DOK6: variants seen among roughly 807,000 people sequenced by gnomAD.
DOK6 encodes docking protein 6, also known as downstream of tyrosine kinase 6.
A neutral mutation model predicts 44.0 loss-of-function variants in DOK6; 22 were observed. That is an observed-to-expected ratio of 0.50 (90% confidence interval 0.36 to 0.71). The LOEUF (loss-of-function observed/expected upper bound fraction) is 0.71, where lower values mean the gene tolerates loss of function less well. Among genes scored for constraint, DOK6 ranks in the 30% least tolerant of loss-of-function variants. The pLI is 0.00. For missense variants in DOK6, 340 were observed against 416.4 expected, an observed-to-expected ratio of 0.82 and a Z score of 1.60; for synonymous variants, 166 against 145.5, an observed-to-expected ratio of 1.14 and a Z score of -1.01.
chr18:69,524,955 A>T (rs1981788845), intron 1 of DOK6, among the ~76,000 whole-genome samples: 1 of 150,296 alleles, frequency 6.7e-6, no homozygotes, highest in Non-Finnish European at 1.5e-5. Context: ...TCTTTTAATA[A>T]ATGGATATTA....
chr18:69,737,779 C>A (rs1380468595), intron 5 of DOK6, among the ~76,000 whole-genome samples: 1 of 152,172 alleles, frequency 6.6e-6, no homozygotes, highest in Non-Finnish European at 1.5e-5. Context: ...AGGAAGTGGA[C>A]AAGCACTCGA....
chr18:69,746,277 T>TATTC (rs1453386927), intron 6 of DOK6, among the ~76,000 whole-genome samples: 6 of 152,228 alleles, frequency 3.9e-5, no homozygotes, highest in African/African-American at 1.4e-4. Context: ...TTTATTTATT[T>TATTC]ATTCATTTAG....
intron 5 of DOK6, among the ~76,000 whole-genome samples, chr18:69,715,416 A>C (rs199899810): frequency 6.6e-6 from 1 of 152,214 alleles, no homozygotes; most frequent in East Asian, 1.9e-4. Context: ...TTAAAGATAA[A>C]GTAGAAATCA....
intron 3 of DOK6, among the ~76,000 whole-genome samples, chr18:69,669,507 A>G (rs186674477): frequency 1.2e-3 from 187 of 152,274 alleles, no homozygotes; most frequent in African/African-American, 4.2e-3. Flanking sequence ...TCTAAACCCA[A>G]TGTGTTTTTT....
chr18:69,450,560 C>T (rs1005965974), intron 1 of DOK6, among the ~76,000 whole-genome samples: 4 of 144,788 alleles, frequency 2.8e-5, no homozygotes, highest in East Asian at 2.1e-4. Context: ...ATACAGAGAA[C>T]GTCACAAAGA....
At chr18:69,821,807 A>T (rs1240723857) in intron 7 of DOK6, among the ~76,000 whole-genome samples, 1 of 151,630 alleles carries the variant, frequency 6.6e-6, no homozygotes, top group African/African-American at 2.4e-5. Flanking sequence ...TTTAAAAAAA[A>T]TCCTTTGAAG....
chr18:69,605,348 A>G (rs1160022505), intron 3 of DOK6, among the ~76,000 whole-genome samples: 1 of 152,188 alleles, frequency 6.6e-6, no homozygotes, highest in South Asian at 2.1e-4. Context: ...AAGAAGAAAC[A>G]GAGGTACTTT....
intron 1 of DOK6, among the ~76,000 whole-genome samples, chr18:69,519,403 C>A (rs570240896): frequency 3.9e-5 from 6 of 151,968 alleles, no homozygotes; most frequent in Admixed American, 6.6e-5. Flanking sequence ...AAGTCAGATA[C>A]AAGAATGTTC....
chr18:69,747,481 T>A (rs1211606929), intron 6 of DOK6, among the ~76,000 whole-genome samples: 3 of 152,192 alleles, frequency 2.0e-5, no homozygotes, highest in African/African-American at 7.2e-5. Context: ...AATACCTTCA[T>A]AAAATTCCCA....
In DOK6 at chr18:69,617,667, G is replaced by A. The variant is rs1053244688; in HGVS notation, c.289+18169G>A. ...AGGAAGGAGGGGAAAAGAGCGATAAGAGAAAAGAAGAAAAAGAAAGAAAGA... is the reference window on the plus strand; with the variant it reads ...AGGAAGGAGGGGAAAAGAGCGATAAAAGAAAAGAAGAAAAAGAAAGAAAGA... On this transcript the variant is annotated intron_variant, in intron 3 of 7. Transcript: ENST00000382713. 3.1e-5 allele frequency among the ~76,000 whole-genome samples: 4 copies of A among 130,926 alleles called. No individual in the cohort carries two copies. The East Asian group carries it at 6.8e-4, about 22-fold the overall frequency. The allele number at this position is 130,926 out of a possible 152,430, so 85.9% of individuals were successfully genotyped here. A position where few individuals can be genotyped will look rare whatever the true frequency, so the allele number is the denominator to read the frequency against.
chr18:69,436,341 C>G (rs1312454492), intron 1 of DOK6, among the ~76,000 whole-genome samples: 1 of 151,964 alleles, frequency 6.6e-6, no homozygotes, highest in Non-Finnish European at 1.5e-5. Flanking sequence ...CTGACAGGCC[C>G]CAGTGTATTA....
intron 3 of DOK6, among the ~76,000 whole-genome samples, chr18:69,669,415 G>A (rs182849742): frequency 1.4e-4 from 21 of 151,572 alleles, no homozygotes; most frequent in African/African-American, 4.8e-4. Flanking sequence ...CATCCATGCT[G>A]CTACAAAGGA....
At chr18:69,530,314 C>T (rs1281163460) in intron 1 of DOK6, among the ~76,000 whole-genome samples, 1 of 152,068 alleles carries the variant, frequency 6.6e-6, no homozygotes, top group Non-Finnish European at 1.5e-5. Flanking sequence ...CAGACATTAG[C>T]TGCATCTTAA....
chr18:69,437,827 A>T (rs1466092962), intron 1 of DOK6, among the ~76,000 whole-genome samples: 1 of 152,216 alleles, frequency 6.6e-6, no homozygotes, highest in Non-Finnish European at 1.5e-5. Flanking sequence ...CTAGACCACC[A>T]CAGTAAAGCA....
intron 1 of DOK6, among the ~76,000 whole-genome samples, chr18:69,455,596 A>G (rs757459866): frequency 9.8e-5 from 15 of 152,306 alleles, no homozygotes; most frequent in East Asian, 3.9e-4. Flanking sequence ...TGGAGTCACA[A>G]TTGTATATTG....
chr18:69,622,660 T>C (rs1002478517), intron 3 of DOK6, among the ~76,000 whole-genome samples: 9 of 152,176 alleles, frequency 5.9e-5, no homozygotes, highest in Non-Finnish European at 1.3e-4. Flanking sequence ...CACCATGGCC[T>C]CCTTAGATAA....
chr18:69,628,447 G>A (rs958875585), intron 3 of DOK6, among the ~76,000 whole-genome samples: 8 of 151,996 alleles, frequency 5.3e-5, no homozygotes, highest in Non-Finnish European at 7.4e-5. Context: ...CCAAGATCAC[G>A]CCACTGCACT....
intron 1 of DOK6, among the ~76,000 whole-genome samples, chr18:69,489,338 C>G (rs927481999): frequency 6.6e-6 from 1 of 152,202 alleles, no homozygotes; most frequent in Admixed American, 6.5e-5. Context: ...AAACAGTCCA[C>G]TTCCAAGTAC....
At chr18:69,528,529 C>A (rs1318491298) in intron 1 of DOK6, among the ~76,000 whole-genome samples, 1 of 152,160 alleles carries the variant, frequency 6.6e-6, no homozygotes, top group Non-Finnish European at 1.5e-5. Context: ...GAAGTATAGC[C>A]TGACTCATTG....
Sources: gnomAD v4.1 joint callset for allele counts (sites outside exome capture counted in the v4.1 genomes callset) on GRCh38, gnomAD v4.1.1 for gene constraint, MANE v1.5 for transcripts, NCBI Gene and HGNC (gene_info 2026-07-23, HGNC 2026-07-21) for gene names.